DOCK4: variants seen among roughly 807,000 people sequenced by gnomAD.
DOCK4 encodes the protein dedicator of cytokinesis protein 4.
In DOCK4, 97 loss-of-function variants were observed where a neutral mutation model predicts 268.1. That is an observed-to-expected ratio of 0.36 (90% CI 0.31 to 0.43). The LOEUF (loss-of-function observed/expected upper bound fraction) is 0.43, where lower values mean the gene tolerates loss of function less well. Among genes scored for constraint, DOCK4 ranks in the 20% least tolerant of loss-of-function variants. The pLI is 1.00. For synonymous variants in DOCK4, 954 were observed against 887.2 expected, an observed-to-expected ratio of 1.08 and a Z score of -1.34; for missense variants, 2,145 against 2,455.7, an observed-to-expected ratio of 0.87 and a Z score of 2.67.
Position 111,847,645 on chromosome 7 carries a change from G to A in DOCK4, c.2474-519C>T, listed in dbSNP as rs1433811584. On this transcript the variant is annotated intron_variant, in intron 23 of 52. Coordinates refer to ENST00000428084, the MANE Select transcript of DOCK4 (RefSeq NM_001363540.2). ...TTGTGGTAGTGAATATGTCTCACAA[G>A]ATCTGATGGTTTTTTAAGGGGTTTC... 2.6e-5 allele frequency among the ~76,000 whole-genome samples: 4 copies of A among 152,124 alleles called. No homozygotes were observed. The East Asian group carries it at 7.7e-4, about 29-fold the overall frequency.
chr7:111,871,047 C>T (rs954150495), intron 20 of DOCK4, among the ~76,000 whole-genome samples: 2 of 152,194 alleles, frequency 1.3e-5, no homozygotes, highest in Admixed American at 6.5e-5. Context: ...CGATCTTAAC[C>T]TGTCATGGCT....
At chr7:112,043,272 C>T (rs12671036) in intron 1 of DOCK4, among the ~76,000 whole-genome samples, 14,796 of 151,960 alleles carry the variant, frequency 0.097, 1,138 homozygotes, top group East Asian at 0.39. Flanking sequence ...TCTCATTATT[C>T]TCTCTAGAAA....
chr7:111,909,977 GA>G (rs1200280109), intron 13 of DOCK4, among the ~76,000 whole-genome samples: 3,116 of 108,290 alleles, frequency 0.029, 111 homozygotes, highest in African/African-American at 0.09. Context: ...AAAGAAAAAA[GA>G]AAAAAAAAAA....
At chr7:112,080,053 T>C in intron 1 of DOCK4, among the ~76,000 whole-genome samples, 1 of 152,078 alleles carries the variant, frequency 6.6e-6, no homozygotes, top group South Asian at 2.1e-4. Flanking sequence ...CTAAATTAAT[T>C]TCTATTAGAG....
At chr7:111,898,539 G>T (rs887917001) in intron 15 of DOCK4, among the ~76,000 whole-genome samples, 41 of 152,268 alleles carry the variant, frequency 2.7e-4, no homozygotes, top group African/African-American at 9.9e-4. Flanking sequence ...CTGTGAGCGG[G>T]GCTATTTTCT....
At chr7:111,947,997 G>A (rs931349265) in intron 8 of DOCK4, among the ~76,000 whole-genome samples, 1 of 152,062 alleles carries the variant, frequency 6.6e-6, no homozygotes, top group Admixed American at 6.5e-5. Context: ...CAAAGTGCTG[G>A]GATTACAGGC....
At chr7:111,837,802 T>C (rs1054716329) in intron 25 of DOCK4, among the ~76,000 whole-genome samples, 1 of 151,978 alleles carries the variant, frequency 6.6e-6, no homozygotes, top group African/African-American at 2.4e-5. Context: ...AGATGTCAAT[T>C]TTGGCTGGGC....
intron 1 of DOCK4, among the ~76,000 whole-genome samples, chr7:112,022,141 A>C (rs931522888): frequency 1.3e-5 from 2 of 152,198 alleles, no homozygotes; most frequent in Non-Finnish European, 2.9e-5. Context: ...GTCTCTATTC[A>C]GTTCCCCCTA....
intron 22 of DOCK4, among the ~76,000 whole-genome samples, chr7:111,864,452 C>A (rs1331742108): frequency 2.6e-5 from 4 of 152,174 alleles, no homozygotes; most frequent in African/African-American, 9.7e-5. Flanking sequence ...GAGTTTCTAA[C>A]ATGCTAAAAT....
chr7:111,762,768 T>C lies in DOCK4; in HGVS notation c.4020+2350A>G, dbSNP rs1261243337. On this transcript the variant is annotated intron_variant, in intron 39 of 52. Transcript: ENST00000428084. ...ACCCATTTTGTTTTGTTTTCTTTTTTTTTTTTTTTTTTTTTTTTGGAGACA... is the reference window on the plus strand; with the variant it reads ...ACCCATTTTGTTTTGTTTTCTTTTTCTTTTTTTTTTTTTTTTTTGGAGACA... Among the ~76,000 whole-genome samples, 248 of 117,854 alleles carry C rather than the reference T, an allele frequency of 2.1e-3. 3 individuals are homozygous for C. In the Middle Eastern group the frequency reaches 0.023, roughly 11 times the overall value. The allele number at this position is 117,854 out of a possible 152,430, so 77.3% of individuals were successfully genotyped here.
chr7:112,119,288 C>G (rs1812479160), intron 1 of DOCK4, among the ~76,000 whole-genome samples: 2 of 152,142 alleles, frequency 1.3e-5, no homozygotes, highest in Non-Finnish European at 2.9e-5. Context: ...CACCCTGCCG[C>G]TTTTAGCCTC....
At chr7:112,113,734 A>ATTTTTT (rs57672966) in intron 1 of DOCK4, among the ~76,000 whole-genome samples, 12 of 49,546 alleles carry the variant, frequency 2.4e-4, no homozygotes, top group East Asian at 5.5e-4. Flanking sequence ...TACTTGGCTG[A>ATTTTTT]TTTTTTTTTT....
chr7:111,991,012 T>C (rs1799478705), intron 5 of DOCK4, among the ~76,000 whole-genome samples: 1 of 152,214 alleles, frequency 6.6e-6, no homozygotes. Context: ...AAGCAAGTTA[T>C]TAAACAAGTC....
At chr7:112,137,338 G>C (rs1284626630) in intron 1 of DOCK4, among the ~76,000 whole-genome samples, 1 of 152,162 alleles carries the variant, frequency 6.6e-6, no homozygotes, top group Non-Finnish European at 1.5e-5. Context: ...CTCACAGCGA[G>C]CTCCTGCTAT....
At chr7:112,172,150 T>C (rs914566491) in intron 1 of DOCK4, among the ~76,000 whole-genome samples, 1 of 152,226 alleles carries the variant, frequency 6.6e-6, no homozygotes, top group African/African-American at 2.4e-5. Flanking sequence ...ATTCAGTCCA[T>C]AACAATGCCC....
intron 6 of DOCK4, among the ~76,000 whole-genome samples, chr7:111,988,435 C>T (rs779315236): frequency 1.5e-4 from 23 of 152,138 alleles, no homozygotes; most frequent in Non-Finnish European, 1.8e-4. Context: ...TTAAATTAGT[C>T]ACTTATGGTT....
Position 111,940,147 on chromosome 7 carries a change from C to A in DOCK4, c.940G>T (p.Gly314Ter). The change falls in exon 11 of 53, where the codon GGA (glycine) becomes TGA (stop). Residue 314 changes from glycine (G) to a stop codon, truncating the protein, a stop_gained. Coordinates refer to ENST00000428084, the MANE Select transcript of DOCK4 (RefSeq NM_001363540.2). LOFTEE classifies it high-confidence loss of function. ...AGAATGAGGTCATCCTTTGTCTCTC[C>A]TGTTAGCAGGTCAGCGATGCTAAGA... ...AVLSIADLLT[G>*]ETKDDLILKV... The A allele has an allele frequency of 6.2e-7, 1 of 1,614,020 alleles. No individual in the cohort carries two copies. Among genetic ancestry groups the A allele is most frequent in the Non-Finnish European group, 8.5e-7 (1 of 1,179,898 alleles).
chr7:112,124,187 A>C (rs1267786436), intron 1 of DOCK4, among the ~76,000 whole-genome samples: 1 of 151,754 alleles, frequency 6.6e-6, no homozygotes, highest in Non-Finnish European at 1.5e-5. Flanking sequence ...ACCACACTCG[A>C]CTATTTTATT....
intron 1 of DOCK4, among the ~76,000 whole-genome samples, chr7:112,073,686 C>T (rs1361000012): frequency 1.3e-5 from 2 of 152,052 alleles, no homozygotes; most frequent in African/African-American, 4.8e-5. Context: ...TCTCACTTAT[C>T]TATGGGAGCT....
Sources: gnomAD v4.1 joint callset for allele counts (sites outside exome capture counted in the v4.1 genomes callset) on GRCh38, gnomAD v4.1.1 for gene constraint, MANE v1.5 for transcripts, NCBI Gene and HGNC (gene_info 2026-07-23, HGNC 2026-07-21) for gene names.